Variants in PCSK5 observed in about 807,000 individuals in gnomAD.
The protein encoded by PCSK5 is prohormone convertase 5.
PCSK5 carries 129 observed loss-of-function variants against 233.2 expected under a neutral mutation model. The observed-to-expected ratio is 0.55, with a 90% CI of 0.48 to 0.64. The LOEUF (loss-of-function observed/expected upper bound fraction) is 0.64. Among genes scored for constraint, PCSK5 ranks in the 30% least tolerant of loss-of-function variants. The pLI is 0.00. For missense variants in PCSK5, 2,076 were observed against 2,430.1 expected (o/e 0.85, Z 3.06); for synonymous variants, 825 against 879.2 (o/e 0.94, Z 1.09).
intron 24 of PCSK5, among the ~76,000 whole-genome samples, chr9:76,261,856 G>T (rs1167715028): frequency 3.3e-5 from 5 of 152,182 alleles, no homozygotes; most frequent in Non-Finnish European, 5.9e-5. Context: ...CACAGATTTT[G>T]TATCCTGAGA....
chr9:75,891,075 C>CGGCCCGGGGCTGCGAGCTGCGGA lies in PCSK5; in HGVS notation c.-94_-93insGAGCTGCGGAGGCCCGGGGCTGC. ...GATCGCCCGGGGCTGCGAGCTGCGGCGGCCCGGGGCTGCTCGCCGGGCGGC... is the reference window on the plus strand; with the variant it reads ...GATCGCCCGGGGCTGCGAGCTGCGGCGGCCCGGGGCTGCGAGCTGCGGAGGCCCGGGGCTGCTCGCCGGGCGGC... On this transcript the variant is annotated 5_prime_UTR_variant, in exon 1 of 38. Coordinates refer to ENST00000674117, the MANE Select transcript of PCSK5 (RefSeq NM_001372043.1). 1.9e-6 allele frequency: 2 copies of CGGCCCGGGGCTGCGAGCTGCGGA among 1,058,014 alleles called. No homozygotes were observed. Among genetic ancestry groups the CGGCCCGGGGCTGCGAGCTGCGGA allele is most frequent in the Non-Finnish European group, 2.5e-6 (2 of 801,296 alleles). 65.5% of individuals were successfully genotyped at this position (1,058,014 alleles called of 1,614,324 possible). A position where few individuals can be genotyped will look rare whatever the true frequency, so the allele number is the denominator to read the frequency against.
At chr9:76,023,903 A>G in intron 4 of PCSK5, 22 bp downstream of exon 4, 1 of 1,579,034 alleles carries the variant, frequency 6.3e-7, no homozygotes, top group Non-Finnish European at 8.6e-7. Flanking sequence ...CTGTGGTTAG[A>G]AGGTCTTTCC....
intron 2 of PCSK5, among the ~76,000 whole-genome samples, chr9:75,977,003 G>A (rs77314972): frequency 0.026 from 3,895 of 152,196 alleles, 150 homozygotes; most frequent in East Asian, 0.18. Context: ...TGCTGGAGAT[G>A]TCTTTTATTA....
At chr9:76,109,203 C>G (rs1832103682) in intron 9 of PCSK5, among the ~76,000 whole-genome samples, 1 of 152,134 alleles carries the variant, frequency 6.6e-6, no homozygotes, top group African/African-American at 2.4e-5. Context: ...TTGGTGAACT[C>G]TACCCAGGAT....
chr9:75,891,567 C>A (rs1173414926), intron 1 of PCSK5, among the ~76,000 whole-genome samples, 194 bp downstream of exon 1: 1 of 149,776 alleles, frequency 6.7e-6, no homozygotes, highest in African/African-American at 2.5e-5. Context: ...ACACACACCC[C>A]AGAGTTGCCG....
At chr9:76,043,059 C>T (rs62558823) in intron 5 of PCSK5, among the ~76,000 whole-genome samples, 36,942 of 151,976 alleles carry the variant, frequency 0.24, 4,655 homozygotes, top group Middle Eastern at 0.32. Flanking sequence ...AAGAAATGTA[C>T]TTTCAGGCCA....
At chr9:75,982,240 T>C (rs886282297) in intron 2 of PCSK5, among the ~76,000 whole-genome samples, 3 of 152,248 alleles carry the variant, frequency 2.0e-5, no homozygotes, top group African/African-American at 7.2e-5. Context: ...TCTATTGATA[T>C]ATATTTAGGT....
chr9:76,061,776 T>C (rs1473986211), intron 5 of PCSK5, among the ~76,000 whole-genome samples: 1 of 152,188 alleles, frequency 6.6e-6, no homozygotes, highest in African/African-American at 2.4e-5. Flanking sequence ...TTTAAGGTAA[T>C]AGATATCCCA....
At chr9:76,187,835 A>G (rs1342903531) in intron 17 of PCSK5, among the ~76,000 whole-genome samples, 2 of 152,192 alleles carry the variant, frequency 1.3e-5, no homozygotes, top group African/African-American at 4.8e-5. Flanking sequence ...AGAAATTTAA[A>G]TAGGTTATTT....
At chr9:76,303,039 G>C (rs542852017) in intron 28 of PCSK5, among the ~76,000 whole-genome samples, 4 of 119,034 alleles carry the variant, frequency 3.4e-5, no homozygotes, top group African/African-American at 6.2e-5. Flanking sequence ...CTATGATCAC[G>C]GTTAAAATTT....
At chr9:76,148,773 C>G (rs1433714389) in intron 10 of PCSK5, among the ~76,000 whole-genome samples, 3 of 152,208 alleles carry the variant, frequency 2.0e-5, no homozygotes, top group African/African-American at 7.2e-5. Context: ...CATGCCTGCA[C>G]CATTGCAATA....
chr9:76,227,154 C>T (rs1825921106), intron 20 of PCSK5, among the ~76,000 whole-genome samples: 6 of 152,116 alleles, frequency 3.9e-5, no homozygotes, highest in Admixed American at 3.9e-4. Context: ...ACCAGGAGAC[C>T]TCAGCTTTTA....
At chr9:75,992,342 AAC>A (rs998385463) in intron 3 of PCSK5, among the ~76,000 whole-genome samples, 1 of 152,196 alleles carries the variant, frequency 6.6e-6, no homozygotes, top group African/African-American at 2.4e-5. Flanking sequence ...GTCAACATAA[AAC>A]ACATATTCGT....
intron 9 of PCSK5, among the ~76,000 whole-genome samples, chr9:76,130,952 GT>G (rs1469659586): frequency 2.6e-5 from 4 of 152,120 alleles, no homozygotes; most frequent in Non-Finnish European, 5.9e-5. Flanking sequence ...CAAAGCTCTT[GT>G]TGCACAAGTT....
At chr9:76,164,146 G>A (rs1822993824) in intron 12 of PCSK5, among the ~76,000 whole-genome samples, 1 of 152,116 alleles carries the variant, frequency 6.6e-6, no homozygotes, top group Non-Finnish European at 1.5e-5. Context: ...AATGTTCAAT[G>A]ACAGACTATT....
chr9:76,309,726 C>T (rs941629403), intron 29 of PCSK5, among the ~76,000 whole-genome samples: 1 of 151,274 alleles, frequency 6.6e-6, no homozygotes, highest in South Asian at 2.1e-4. Flanking sequence ...TTATAAAGTC[C>T]ACGTTGGAAT....
chr9:76,353,729 T>TCCTTGACC (rs933729975), intron 36 of PCSK5, among the ~76,000 whole-genome samples: 4 of 152,182 alleles, frequency 2.6e-5, no homozygotes. Flanking sequence ...ACAAAACTAG[T>TCCTTGACC]CCTTGACCTG....
chr9:76,220,399 C>T (rs1040337913), intron 20 of PCSK5, among the ~76,000 whole-genome samples: 11 of 151,632 alleles, frequency 7.3e-5, no homozygotes, highest in African/African-American at 1.7e-4. Flanking sequence ...TGGTGGTGGG[C>T]GCCTGTAGTC....
chr9:76,022,254 G>C (rs1389113598), intron 3 of PCSK5, among the ~76,000 whole-genome samples: 2 of 152,188 alleles, frequency 1.3e-5, no homozygotes, highest in Non-Finnish European at 2.9e-5. Flanking sequence ...GACCTCATCT[G>C]CCTTGCGCAC....
Sources: allele counts gnomAD v4.1 joint callset (sites outside exome capture counted in the v4.1 genomes callset), GRCh38; gene constraint gnomAD v4.1.1; transcripts MANE v1.5; gene names NCBI Gene and HGNC (gene_info 2026-07-23, HGNC 2026-07-21).